OCA2: variants seen among roughly 807,000 people sequenced by gnomAD.
The protein encoded by OCA2 is P protein.
Under a neutral mutation model 100.2 loss-of-function variants are expected in OCA2, and 77 were observed. That is an observed-to-expected ratio of 0.77 (90% confidence interval 0.64 to 0.93). The LOEUF is 0.93. OCA2 is among the 40% of genes least tolerant of loss of function. The pLI, the probability that OCA2 is intolerant of heterozygous loss-of-function variation, is 0.00. For synonymous variants in OCA2, 432 were observed against 439.2 expected (o/e 0.98, Z 0.21); for missense variants, 1,062 against 1,089.1 (o/e 0.98, Z 0.35).
At chr15:27,926,759 T>G (rs2039057678) in intron 18 of OCA2, among the ~76,000 whole-genome samples, 1 of 151,926 alleles carries the variant, frequency 6.6e-6, no homozygotes, top group Non-Finnish European at 1.5e-5. Flanking sequence ...ATTACAGTCA[T>G]GCACCACCAC....
chr15:27,751,579 A>G (rs1595353688), downstream of OCA2, among the ~76,000 whole-genome samples: 1 of 152,220 alleles, frequency 6.6e-6, no homozygotes, highest in East Asian at 1.9e-4. Flanking sequence ...GTAACCTCCC[A>G]AGGCTGCAAG....
chr15:28,017,632 G>T (rs1198047849), intron 7 of OCA2, among the ~76,000 whole-genome samples: 1 of 152,216 alleles, frequency 6.6e-6, no homozygotes, highest in Non-Finnish European at 1.5e-5. Flanking sequence ...CCTTTGCTCT[G>T]TGGACCATGC....
At chr15:28,042,472 C>CA (rs972724008) in intron 2 of OCA2, among the ~76,000 whole-genome samples, 7,660 of 97,222 alleles carry the variant, frequency 0.079, 382 homozygotes, top group East Asian at 0.22. Flanking sequence ...ACTAAAAATA[C>CA]AAAAAAAAAA....
intron 1 of OCA2, among the ~76,000 whole-genome samples, chr15:28,088,067 G>GA (rs374979132): frequency 2.2e-4 from 31 of 143,434 alleles, no homozygotes; most frequent in East Asian, 6.0e-4. Context: ...CATCTCAAAG[G>GA]AAAAAAAAAA....
intron 2 of OCA2, among the ~76,000 whole-genome samples, chr15:28,065,119 T>C (rs908358357): frequency 2.2e-4 from 33 of 152,082 alleles, no homozygotes; most frequent in Admixed American, 2.0e-4. Flanking sequence ...AGCAAACACC[T>C]TTCCCAGTCT....
At chr15:27,904,509 G>C (rs2038094288) in intron 19 of OCA2, among the ~76,000 whole-genome samples, 1 of 152,136 alleles carries the variant, frequency 6.6e-6, no homozygotes, top group African/African-American at 2.4e-5. Flanking sequence ...CCCCAGAGAA[G>C]AAGAGGGAGC....
the OCA2 span, among the ~76,000 whole-genome samples, chr15:27,726,476 A>G: frequency 6.6e-6 from 1 of 152,298 alleles, no homozygotes; most frequent in African/African-American, 2.4e-5. Context: ...TTAGACTGCA[A>G]TTTCCTGACT....
chr15:27,981,516 A>G (rs2041160400), intron 14 of OCA2, among the ~76,000 whole-genome samples: 1 of 152,146 alleles, frequency 6.6e-6, no homozygotes, highest in African/African-American at 2.4e-5. Flanking sequence ...TAGTTTCAAG[A>G]TTTCTTAGGT....
intron 23 of OCA2, among the ~76,000 whole-genome samples, chr15:27,832,515 C>T (rs896494265): frequency 6.6e-6 from 1 of 152,222 alleles, no homozygotes; most frequent in Non-Finnish European, 1.5e-5. Flanking sequence ...GGGATGCTGG[C>T]TGTTTCTCCT....
chr15:27,821,997 C>A (rs2034526817), intron 23 of OCA2, among the ~76,000 whole-genome samples: 1 of 152,190 alleles, frequency 6.6e-6, no homozygotes, highest in Non-Finnish European at 1.5e-5. Context: ...ACTTAATAAG[C>A]ATATCTGTGT....
chr15:27,726,937 C>A, the OCA2 span, among the ~76,000 whole-genome samples: 5 of 152,208 alleles, frequency 3.3e-5, no homozygotes, highest in African/African-American at 7.2e-5. Flanking sequence ...GAGCGCTGCA[C>A]ATGGCAGAAG....
intron 18 of OCA2, among the ~76,000 whole-genome samples, chr15:27,942,705 T>C (rs375450736): frequency 2.6e-4 from 40 of 152,310 alleles, no homozygotes; most frequent in African/African-American, 8.9e-4. Flanking sequence ...TGAGTCATTC[T>C]CTCTCCCCCA....
At chr15:27,955,079 G>T (rs138048595) in intron 17 of OCA2, 79 bp downstream of exon 17, 7 of 1,002,548 alleles carry the variant, frequency 7.0e-6, no homozygotes, top group Non-Finnish European at 1.1e-5. Flanking sequence ...ATTCAGTCAC[G>T]TGAGGGAAGG....
At chr15:27,933,335 A>C (rs1170442325) in intron 18 of OCA2, among the ~76,000 whole-genome samples, 1 of 143,760 alleles carries the variant, frequency 7.0e-6, no homozygotes, top group Admixed American at 6.9e-5. Context: ...TACATTAAAC[A>C]GACAGAAGGT....
the OCA2 span, among the ~76,000 whole-genome samples, chr15:27,723,140 G>A: frequency 6.6e-6 from 1 of 151,974 alleles, no homozygotes; most frequent in East Asian, 1.9e-4. Context: ...ACCGCGCCTG[G>A]CCCCTGTTTT....
At chr15:28,010,861 G>A (rs1271805450) in intron 9 of OCA2, among the ~76,000 whole-genome samples, 1 of 152,122 alleles carries the variant, frequency 6.6e-6, no homozygotes, top group Non-Finnish European at 1.5e-5. Flanking sequence ...AAAACAAATG[G>A]CCACAGAATA....
intron 3 of OCA2, among the ~76,000 whole-genome samples, chr15:28,031,769 C>T (rs751168090): frequency 3.3e-5 from 5 of 152,158 alleles, no homozygotes; most frequent in Non-Finnish European, 5.9e-5. Context: ...ACAATGCCAA[C>T]CTCACCCCTA....
intron 23 of OCA2, among the ~76,000 whole-genome samples, chr15:27,829,138 C>A (rs528742946): frequency 2.0e-5 from 3 of 152,232 alleles, no homozygotes; most frequent in South Asian, 2.1e-4. Flanking sequence ...AATCGACCTA[C>A]AACAAGGGCA....
chr15:27,893,498 G>A (rs1358274039), intron 19 of OCA2, among the ~76,000 whole-genome samples: 1 of 152,138 alleles, frequency 6.6e-6, no homozygotes, highest in East Asian at 1.9e-4. Context: ...GCCAATAAAT[G>A]GACGTGCAAG....
Sources: gnomAD v4.1 joint callset for allele counts (sites outside exome capture counted in the v4.1 genomes callset) on GRCh38, gnomAD v4.1.1 for gene constraint, MANE v1.5 for transcripts, NCBI Gene and HGNC (gene_info 2026-07-23, HGNC 2026-07-21) for gene names.